RALGAPA1: variants seen among roughly 807,000 people sequenced by gnomAD.
RALGAPA1 encodes the protein Ral GTPase activating protein catalytic subunit alpha 1, also known as ral GTPase-activating protein subunit alpha-1.
Under a neutral mutation model 269.6 loss-of-function variants are expected in RALGAPA1, and 52 were observed. The observed-to-expected ratio is 0.19, with a 90% CI of 0.15 to 0.24. The LOEUF is 0.24. Among genes scored for constraint, RALGAPA1 ranks in the 10% least tolerant of loss-of-function variants. The pLI, the probability that RALGAPA1 is intolerant of heterozygous loss-of-function variation, is 1.00. For missense variants in RALGAPA1, 1,917 were observed against 3,013.9 expected (o/e 0.64, Z 8.52); for synonymous variants, 817 against 1,008.3 (o/e 0.81, Z 3.60).
At chr14:35,772,794 T>C (rs1425448485) in intron 3 of RALGAPA1, among the ~76,000 whole-genome samples, 1 of 152,204 alleles carries the variant, frequency 6.6e-6, no homozygotes, top group Non-Finnish European at 1.5e-5. Context: ...GAACAGAGGT[T>C]CCAAATTCAA....
chr14:35,742,728 T>TA (rs1404134613), intron 10 of RALGAPA1, among the ~76,000 whole-genome samples, 163 bp from the exon 11 acceptor site: 3 of 144,528 alleles, frequency 2.1e-5, no homozygotes, highest in Non-Finnish European at 4.5e-5. Flanking sequence ...CTAATTGATA[T>TA]AAATAAGAGT....
At chr14:35,618,157 A>G (rs957536536) in intron 35 of RALGAPA1, among the ~76,000 whole-genome samples, 1 of 152,210 alleles carries the variant, frequency 6.6e-6, no homozygotes, top group Non-Finnish European at 1.5e-5. Context: ...GTATAACCTC[A>G]ATTCTAAAAA....
At chr14:35,694,463 A>G (rs1363788163) in intron 17 of RALGAPA1, among the ~76,000 whole-genome samples, 1 of 152,180 alleles carries the variant, frequency 6.6e-6, no homozygotes, top group Non-Finnish European at 1.5e-5. Context: ...TTATTAACAG[A>G]GGCTATTAAA....
Position 35,538,438 on chromosome 14 carries a change from C to T in RALGAPA1, c.*1276G>A, listed in dbSNP as rs2053702228. 6.6e-6 allele frequency: 1 copy of T among 152,594 alleles called. No individual in the cohort carries two copies. The highest frequency in any genetic ancestry group is 2.4e-5 in the African/African-American group (1 of 41,434). 9.5% of individuals were successfully genotyped at this position (152,594 alleles called of 1,614,324 possible). On this transcript the variant is annotated 3_prime_UTR_variant, in exon 42 of 42. Coordinates refer to ENST00000680220, the MANE Select transcript of RALGAPA1 (RefSeq NM_001346249.2). ...CCACTGTTACAAATTATAGATACTA[C>T]ATGAATGATGATACATAATTTATAT...
chr14:35,593,184 T>C (rs2058735778), intron 37 of RALGAPA1, among the ~76,000 whole-genome samples: 1 of 152,094 alleles, frequency 6.6e-6, no homozygotes, highest in African/African-American at 2.4e-5. Context: ...CATACAAAAA[T>C]TGCTAGCATT....
chr14:35,614,045 C>G (rs191158380), intron 35 of RALGAPA1, among the ~76,000 whole-genome samples: 1 of 152,216 alleles, frequency 6.6e-6, no homozygotes, highest in African/African-American at 2.4e-5. Context: ...TTTATATCCA[C>G]TAAGACGAGT....
intron 35 of RALGAPA1, among the ~76,000 whole-genome samples, chr14:35,621,510 A>G (rs1192897573): frequency 6.6e-6 from 1 of 152,188 alleles, no homozygotes; most frequent in Non-Finnish European, 1.5e-5. Flanking sequence ...AAAATTGACA[A>G]ATGGGATCTG....
intron 31 of RALGAPA1, among the ~76,000 whole-genome samples, chr14:35,639,515 T>C (rs967072521): frequency 2.0e-5 from 3 of 152,212 alleles, no homozygotes; most frequent in African/African-American, 4.8e-5. Flanking sequence ...GACCATATGT[T>C]AGGCCAAAAA....
At position 35,674,696 on chromosome 14, in the gene RALGAPA1, A is replaced by G. The variant is rs1009331315; in HGVS notation, c.4638T>C (p.Phe1546=). 7 of 1,535,422 alleles carry G rather than the reference A, an allele frequency of 4.6e-6. No individual in the cohort carries two copies. Among genetic ancestry groups the G allele is most frequent in the African/African-American group, 2.7e-5 (2 of 72,894 alleles). The change falls in exon 23 of 42, where the codon TTT becomes TTC. Residue 1546 remains phenylalanine, a synonymous_variant. Coordinates refer to ENST00000680220, the MANE Select transcript of RALGAPA1 (RefSeq NM_001346249.2). ...CCATCACACTACAACATTCTGATGG[A>G]AATTCACTAATTTCTATAGAAAAAA... The part of the protein sequence containing the change: ...QTPDDLEISE[F]PSECCSVMAG...
At chr14:35,644,170 A>T (rs1403598363) in intron 31 of RALGAPA1, among the ~76,000 whole-genome samples, 1 of 152,204 alleles carries the variant, frequency 6.6e-6, no homozygotes, top group Admixed American at 6.5e-5. Context: ...TACACCTACT[A>T]TGTACCCAGA....
intron 37 of RALGAPA1, among the ~76,000 whole-genome samples, chr14:35,585,740 G>T (rs921254005): frequency 1.3e-5 from 2 of 152,090 alleles, no homozygotes; most frequent in Admixed American, 6.6e-5. Context: ...TTTGTCAGGT[G>T]TGTCAAAGAT....
chr14:35,748,694 G>C lies in RALGAPA1; in HGVS notation c.1142C>G (p.Ser381Cys), dbSNP rs1567148510. ...TTCTTCATCAATACTACAGAGACTA[G>C]ATGAGCTAGGTTCTCGCTCCGTGAG... Reference protein sequence around the residue: ...STLTEREPSSSSLCSIDEEHL... With the variant: ...STLTEREPSSCSLCSIDEEHL... The change falls in exon 10 of 42, where the codon TCT becomes TGT. Residue 381 changes from serine to cysteine, a missense_variant. By Grantham distance (112) the Ser-to-Cys change is moderately radical. This residue lies in a region of RALGAPA1 where 462 missense variants were observed against 725.6 expected (regional missense o/e 0.64). Transcript: ENST00000680220. The C allele has an allele frequency of 3.1e-6, 5 of 1,613,482 alleles. No individual in the cohort carries two copies. In the Admixed American group the frequency reaches 8.3e-5, roughly 27 times the overall value.
intron 39 of RALGAPA1, among the ~76,000 whole-genome samples, chr14:35,550,932 C>G (rs1028248676): frequency 6.6e-6 from 1 of 152,090 alleles, no homozygotes; most frequent in African/African-American, 2.4e-5. Context: ...ATATGGCACA[C>G]TTTTAAAGGG....
At chr14:35,629,904 C>A (rs2061246039) in intron 33 of RALGAPA1, among the ~76,000 whole-genome samples, 1 of 151,888 alleles carries the variant, frequency 6.6e-6, no homozygotes, top group African/African-American at 2.4e-5. Flanking sequence ...CCAACATAAT[C>A]AATATAAAAA....
chr14:35,610,704 C>T (rs1248846249), intron 35 of RALGAPA1, among the ~76,000 whole-genome samples: 1 of 152,086 alleles, frequency 6.6e-6, no homozygotes, highest in Non-Finnish European at 1.5e-5. Flanking sequence ...ATCTGACTTG[C>T]ACATGAGGTG....
intron 4 of RALGAPA1, among the ~76,000 whole-genome samples, chr14:35,763,781 T>G (rs944363588): frequency 7.1e-6 from 1 of 140,218 alleles, no homozygotes; most frequent in African/African-American, 2.8e-5. Context: ...GGTGTGTATA[T>G]ATATATATAT....
At position 35,595,720 on chromosome 14, in the gene RALGAPA1, G is replaced by C; in HGVS notation, c.7123C>G (p.Pro2375Ala). ...QKNKSTGLTT[P>A]YFATSTVEVI... ...TCTACTGTAGAGGTAGCAAAATATG[G>C]AGTGGTCAATCCAGTGCTTTTGTTT... is the stretch of plus-strand genomic sequence containing the variant. The change falls in exon 37 of 42, where the codon CCA (proline) becomes GCA (alanine). Residue 2375 changes from proline to alanine, a missense_variant. This residue lies in a region of RALGAPA1 where 132 missense variants were observed against 271.2 expected (regional missense o/e 0.49). Transcript: ENST00000680220. 1 of 1,612,084 alleles carries C rather than the reference G, an allele frequency of 6.2e-7. No homozygotes were observed. The highest frequency in any genetic ancestry group is 1.1e-5 in the South Asian group (1 of 91,016).
In RALGAPA1 at chr14:35,802,128, T is replaced by C. The variant is rs555858993; in HGVS notation, c.106+6602A>G. Among the ~76,000 whole-genome samples, 168 of 152,222 alleles carry C rather than the reference T, an allele frequency of 1.1e-3. 2 individuals are homozygous for C. Among genetic ancestry groups the C allele is most frequent in the African/African-American group, 3.9e-3 (160 of 41,552 alleles). On this transcript the variant is annotated intron_variant, in intron 1 of 41. Transcript: ENST00000680220. ...TTCGAGACCAGCCTTATCAACATGG[T>C]GAAACCCCGTCTCTACTACAAACAC...
chr14:35,758,018 G>C (rs1001743626), intron 6 of RALGAPA1, among the ~76,000 whole-genome samples: 1 of 152,096 alleles, frequency 6.6e-6, no homozygotes, highest in Non-Finnish European at 1.5e-5. Flanking sequence ...GGAGGCCGAG[G>C]CGAGTGGATC....
Sources: allele counts gnomAD v4.1 joint callset (sites outside exome capture counted in the v4.1 genomes callset), GRCh38; gene constraint gnomAD v4.1.1; regional missense constraint gnomAD v4.1.1; transcripts MANE v1.5; gene names NCBI Gene and HGNC (gene_info 2026-07-23, HGNC 2026-07-21).